The following SYNDIG1 variants were observed in gnomAD, a reference collection of about 807,000 sequenced individuals.
The protein encoded by SYNDIG1 is synapse differentiation-inducing gene protein 1.
SYNDIG1 carries 9 observed loss-of-function variants against 19.4 expected under a neutral mutation model. That is an observed-to-expected ratio of 0.46 (90% confidence interval 0.28 to 0.81). The LOEUF (loss-of-function observed/expected upper bound fraction) is 0.81, where lower values mean the gene tolerates loss of function less well. Ranked by LOEUF, SYNDIG1 falls within the 30% of genes least tolerant of loss-of-function variation. The pLI, the probability that SYNDIG1 is intolerant of heterozygous loss-of-function variation, is 0.12. For synonymous variants in SYNDIG1, 141 were observed against 145.9 expected (o/e 0.97, Z 0.24); for missense variants, 311 against 343.3 (o/e 0.91, Z 0.74).
intron 3 of SYNDIG1, among the ~76,000 whole-genome samples, chr20:24,610,233 C>G (rs1261836297): frequency 6.6e-6 from 1 of 152,122 alleles, no homozygotes; most frequent in African/African-American, 2.4e-5. Flanking sequence ...TAAAATGATT[C>G]TCTGCATTCC....
intron 3 of SYNDIG1, among the ~76,000 whole-genome samples, chr20:24,625,172 T>C (rs1461557896): frequency 6.6e-6 from 1 of 151,984 alleles, no homozygotes; most frequent in African/African-American, 2.4e-5. Context: ...AGGAAATAAC[T>C]ACAATTAGAG....
chr20:24,550,201 A>AC (rs1004157150), intron 2 of SYNDIG1, among the ~76,000 whole-genome samples: 1 of 152,194 alleles, frequency 6.6e-6, no homozygotes. Flanking sequence ...GTGTACAACT[A>AC]CCCCATTTTC....
At chr20:24,640,113 C>G (rs2059356487) in intron 3 of SYNDIG1, among the ~76,000 whole-genome samples, 1 of 152,078 alleles carries the variant, frequency 6.6e-6, no homozygotes, top group East Asian at 1.9e-4. Context: ...GTGGGCAGAT[C>G]ACTTGAGGTC....
At chr20:24,590,500 G>A (rs1053399402) in intron 3 of SYNDIG1, among the ~76,000 whole-genome samples, 40 of 152,146 alleles carry the variant, frequency 2.6e-4, no homozygotes, top group Admixed American at 1.4e-3. Flanking sequence ...GGCGCAGGGC[G>A]ACGACGGCAG....
At position 24,546,584 on chromosome 20, in the gene SYNDIG1, A is replaced by G. The variant is rs139344866; in HGVS notation, c.480+3007A>G. On this transcript the variant is annotated intron_variant, in intron 2 of 3. Transcript: ENST00000376862. ...CCAGGCTTCATTTTGCGGCAGCCAG[A>G]GAGGTGGGGCCCACTTTGTGAGGGC... Among the ~76,000 whole-genome samples the G allele has an allele frequency of 2.6e-3, 391 of 152,314 alleles. 1 individual carries two copies. The highest frequency in any genetic ancestry group is 8.8e-3 in the African/African-American group (367 of 41,590).
At chr20:24,470,816 C>G (rs2055414997) in intron 1 of SYNDIG1, among the ~76,000 whole-genome samples, 1 of 152,098 alleles carries the variant, frequency 6.6e-6, no homozygotes, top group South Asian at 2.1e-4. Context: ...CGCTTGGCAC[C>G]CAGACTTCAG....
intron 3 of SYNDIG1, among the ~76,000 whole-genome samples, chr20:24,643,340 T>G (rs1156642060): frequency 6.6e-6 from 1 of 152,096 alleles, no homozygotes; most frequent in Non-Finnish European, 1.5e-5. Flanking sequence ...AGTGCCGTGT[T>G]CATGAGAAGT....
intron 1 of SYNDIG1, among the ~76,000 whole-genome samples, chr20:24,509,910 C>T (rs1318369289): frequency 6.6e-6 from 1 of 152,158 alleles, no homozygotes; most frequent in Non-Finnish European, 1.5e-5. Flanking sequence ...TCTTCATGAA[C>T]GGTTTAGCGC....
intron 2 of SYNDIG1, among the ~76,000 whole-genome samples, chr20:24,544,693 G>T (rs1053049072): frequency 6.6e-6 from 1 of 152,118 alleles, no homozygotes; most frequent in Non-Finnish European, 1.5e-5. Flanking sequence ...GAAGGGCTCT[G>T]GGTTGAAGAG....
chr20:24,532,632 A>G (rs1408280766), intron 1 of SYNDIG1, among the ~76,000 whole-genome samples: 1 of 152,232 alleles, frequency 6.6e-6, no homozygotes. Context: ...ATTATTTTAA[A>G]AAATGAATGA....
chr20:24,550,658 G>A (rs571521163), intron 2 of SYNDIG1, among the ~76,000 whole-genome samples: 4 of 152,034 alleles, frequency 2.6e-5, no homozygotes, highest in Middle Eastern at 3.4e-3. Flanking sequence ...ACAGGCGCCC[G>A]CCACCATGCC....
intron 1 of SYNDIG1, among the ~76,000 whole-genome samples, chr20:24,541,151 C>G (rs1007564184): frequency 3.3e-5 from 5 of 152,168 alleles, no homozygotes; most frequent in South Asian, 2.1e-4. Context: ...AAGCCACTTG[C>G]CAACAGTCAG....
intron 3 of SYNDIG1, among the ~76,000 whole-genome samples, chr20:24,654,664 G>GGAAGGAAGGAAA (rs1428879958): frequency 1.3e-5 from 2 of 149,240 alleles, no homozygotes; most frequent in African/African-American, 4.9e-5. Flanking sequence ...AAGGAAGGAA[G>GGAAGGAAGGAAA]GAAGGAAGGA....
At chr20:24,604,441 A>C (rs1367699746) in intron 3 of SYNDIG1, among the ~76,000 whole-genome samples, 1 of 152,214 alleles carries the variant, frequency 6.6e-6, no homozygotes, top group Non-Finnish European at 1.5e-5. Flanking sequence ...GATAGCGACA[A>C]AAGTGATCTC....
At chr20:24,552,712 T>G (rs1231635379) in intron 2 of SYNDIG1, among the ~76,000 whole-genome samples, 3 of 152,194 alleles carry the variant, frequency 2.0e-5, no homozygotes, top group Non-Finnish European at 4.4e-5. Context: ...TCTATCATTG[T>G]TGGACATTTG....
At chr20:24,488,289 G>A (rs540756146) in intron 1 of SYNDIG1, among the ~76,000 whole-genome samples, 1 of 152,370 alleles carries the variant, frequency 6.6e-6, no homozygotes, top group South Asian at 2.1e-4. Flanking sequence ...AAGGCACCAT[G>A]CGAGGCACTG....
intron 1 of SYNDIG1, among the ~76,000 whole-genome samples, chr20:24,518,665 T>C (rs1248500430): frequency 6.6e-6 from 1 of 152,228 alleles, no homozygotes; most frequent in African/African-American, 2.4e-5. Context: ...GTGGCCCTGC[T>C]CGTGTCCCAG....
intron 2 of SYNDIG1, among the ~76,000 whole-genome samples, chr20:24,554,537 C>A (rs2057771898): frequency 6.6e-6 from 1 of 152,122 alleles, no homozygotes; most frequent in Admixed American, 6.5e-5. Context: ...TTGTCAAAGG[C>A]CTTTTCTGCA....
chr20:24,593,590 T>C (rs1259686978), intron 3 of SYNDIG1, among the ~76,000 whole-genome samples: 1 of 152,218 alleles, frequency 6.6e-6, no homozygotes, highest in African/African-American at 2.4e-5. Context: ...TAATTCTCTT[T>C]TAAGTTAGTT....
Sources: gnomAD v4.1 joint callset for allele counts (sites outside exome capture counted in the v4.1 genomes callset) on GRCh38, gnomAD v4.1.1 for gene constraint, MANE v1.5 for transcripts, NCBI Gene and HGNC (gene_info 2026-07-23, HGNC 2026-07-21) for gene names.